The following URM1 variants were observed in gnomAD, a reference collection of about 807,000 sequenced individuals.
URM1 encodes the protein ubiquitin related modifier 1.
In URM1, 11 loss-of-function variants were observed where a neutral mutation model predicts 17.7. The observed-to-expected ratio is 0.62, with a 90% CI of 0.39 to 1.03. The LOEUF is 1.03. Among genes scored for constraint, URM1 ranks in the 50% least tolerant of loss-of-function variants. The pLI is 0.00. For synonymous variants in URM1, 48 were observed against 50.6 expected, an observed-to-expected ratio of 0.95 and a Z score of 0.22; for missense variants, 128 against 129.2, an observed-to-expected ratio of 0.99 and a Z score of 0.04.
At chr9:128,375,989 T>C (rs1163220722) in intron 1 of URM1, among the ~76,000 whole-genome samples, 1 of 152,076 alleles carries the variant, frequency 6.6e-6, no homozygotes, top group Admixed American at 6.6e-5. Flanking sequence ...GTTCTGCACC[T>C]GTGTGGTAAG....
In URM1 at chr9:128,386,985, G is replaced by A. The variant is rs139763293; in HGVS notation, c.107-831G>A. Among the ~76,000 whole-genome samples, 1,176 of 152,340 alleles carry A rather than the reference G, an allele frequency of 7.7e-3. 20 individuals are homozygous for A. Among genetic ancestry groups the A allele is most frequent in the African/African-American group, 0.026 (1,096 of 41,582 alleles). ...CGGACAGTTGAGGACCATAGGCTTCGAGGTGTTTATAGAGCCACATTTCTG... is the reference window on the plus strand; with the variant it reads ...CGGACAGTTGAGGACCATAGGCTTCAAGGTGTTTATAGAGCCACATTTCTG... On this transcript the variant is annotated intron_variant, in intron 2 of 4. Coordinates refer to ENST00000372853, the MANE Select transcript of URM1 (RefSeq NM_030914.4).
intron 1 of URM1, among the ~76,000 whole-genome samples, chr9:128,377,177 T>C (rs1290744978): frequency 6.6e-6 from 1 of 152,112 alleles, no homozygotes; most frequent in African/African-American, 2.4e-5. Context: ...TAGCCGGTAC[T>C]TGATTATTAG....
intron 1 of URM1, among the ~76,000 whole-genome samples, chr9:128,373,990 T>C (rs1833044895): frequency 6.6e-6 from 1 of 152,202 alleles, no homozygotes; most frequent in East Asian, 1.9e-4. Flanking sequence ...TTTGAGAATA[T>C]CTATACCTGT....
chr9:128,381,472 G>A (rs1333628544), intron 2 of URM1, among the ~76,000 whole-genome samples: 3 of 152,250 alleles, frequency 2.0e-5, no homozygotes, highest in South Asian at 2.1e-4. Flanking sequence ...CAAGGTAGGC[G>A]GATCACCTGA....
Position 128,389,820 on chromosome 9 carries a change from T to A in URM1, c.*86T>A. The A allele has an allele frequency of 6.4e-7, 1 of 1,568,876 alleles. No individual in the cohort carries two copies. Among genetic ancestry groups the A allele is most frequent in the Non-Finnish European group, 8.7e-7 (1 of 1,150,088 alleles). On this transcript the variant is annotated 3_prime_UTR_variant, in exon 5 of 5. Coordinates refer to ENST00000372853, the MANE Select transcript of URM1 (RefSeq NM_030914.4). ...TGGGCCCTGCTTCCAGGTCTCCCTG[T>A]CCCCCTTGCCTGCCTTCTTCCCTGC...
Position 128,387,936 on chromosome 9 carries a change from G to A in URM1, c.188+39G>A. On this transcript the variant is annotated intron_variant, in intron 3 of 4. Coordinates refer to ENST00000372853, the MANE Select transcript of URM1 (RefSeq NM_030914.4). This position sits in a 1 kb window ranked among gnomAD's most constrained non-coding sequence, Gnocchi z 4.3. The stretch of plus-strand genomic sequence containing the variant: ...CTCCCTTCCCTGAAGCAGGTGGAGG[G>A]AGGGACGGATATTTGAGCCCCCACC... 1.2e-6 allele frequency: 2 copies of A among 1,612,892 alleles called. No individual in the cohort carries two copies. Among genetic ancestry groups the A allele is most frequent in the Non-Finnish European group, 1.7e-6 (2 of 1,179,540 alleles).
rs1185161933 is a variant in URM1, at chr9:128,390,616, C to A, written c.*882C>A. 6.6e-6 allele frequency: 1 copy of A among 152,456 alleles called. No homozygotes were observed. Among genetic ancestry groups the A allele is most frequent in the African/African-American group, 2.4e-5 (1 of 41,454 alleles). The allele number at this position is 152,456 out of a possible 1,614,324, so 9.4% of individuals were successfully genotyped here. A position where few individuals can be genotyped will look rare whatever the true frequency, so the allele number is the denominator to read the frequency against. The stretch of plus-strand genomic sequence containing the variant: ...ACCTCCTGCAGGAAGCAGGACGGGG[C>A]AGGCAGCACCTGGTAGGCACAGTGC... On this transcript the variant is annotated 3_prime_UTR_variant, in exon 5 of 5. Coordinates refer to ENST00000372853, the MANE Select transcript of URM1 (RefSeq NM_030914.4).
At chr9:128,388,204 T>C in intron 3 of URM1, 1 of 1,198,262 alleles carries the variant, frequency 8.3e-7, no homozygotes, top group South Asian at 2.7e-5. Context: ...TCAGTTACTC[T>C]CTACACAGAA....
At chr9:128,378,658 CAAAAGCCAGT>C (rs1356191199) in intron 2 of URM1, among the ~76,000 whole-genome samples, 1 of 145,512 alleles carries the variant, frequency 6.9e-6, no homozygotes, top group East Asian at 2.1e-4. Flanking sequence ...CAGACATGAA[CAAAAGCCAGT>C]CCCAGGCCAG....
At chr9:128,386,037 C>A (rs1833222669) in intron 2 of URM1, among the ~76,000 whole-genome samples, 1 of 152,210 alleles carries the variant, frequency 6.6e-6, no homozygotes, top group Non-Finnish European at 1.5e-5. Context: ...GCCCTTCCCC[C>A]ACCCCCAGGC....
chr9:128,378,191 G>C, intron 2 of URM1, 85 bp downstream of exon 2: 1 of 932,524 alleles, frequency 1.1e-6, no homozygotes. Context: ...GTTCAGGCCT[G>C]TGTTCTGCAT....
chr9:128,374,786 C>T (rs1459059692), intron 1 of URM1, among the ~76,000 whole-genome samples: 1 of 152,202 alleles, frequency 6.6e-6, no homozygotes, highest in African/African-American at 2.4e-5. Flanking sequence ...CACAAGAAGT[C>T]TGAGATGGGA....
At chr9:128,388,211 A>G in intron 3 of URM1, 5 of 1,180,648 alleles carry the variant, frequency 4.2e-6, no homozygotes, top group African/African-American at 3.1e-5. Context: ...CTCTCTACAC[A>G]GAAAGTGCTG....
At chr9:128,389,169 T>A (rs1217646666) in intron 3 of URM1, 92 bp from the exon 4 acceptor site, 7 of 1,509,582 alleles carry the variant, frequency 4.6e-6, no homozygotes, top group East Asian at 2.3e-5. Flanking sequence ...CTCAGCACAC[T>A]CTCCTGCAGC....
intron 2 of URM1, among the ~76,000 whole-genome samples, chr9:128,381,776 A>G (rs1486146545): frequency 6.6e-6 from 1 of 152,270 alleles, no homozygotes; most frequent in African/African-American, 2.4e-5. Flanking sequence ...TTTAAATAGC[A>G]GGGTTGGGAT....
chr9:128,386,862 C>T (rs1054949861), intron 2 of URM1, among the ~76,000 whole-genome samples: 2 of 152,214 alleles, frequency 1.3e-5, no homozygotes, highest in Admixed American at 1.3e-4. Context: ...TGCTGGCTTC[C>T]CAGAGGCGAG....
At chr9:128,381,575 A>G (rs1445921936) in intron 2 of URM1, among the ~76,000 whole-genome samples, 1 of 152,328 alleles carries the variant, frequency 6.6e-6, no homozygotes, top group Non-Finnish European at 1.5e-5. Context: ...GGGCACCTGT[A>G]ATCCCAGGTT....
Position 128,387,762 on chromosome 9 carries a change from TGG to T in URM1, c.107-52_107-51del. 1 of 1,610,528 alleles carries T rather than the reference TGG, an allele frequency of 6.2e-7. No homozygotes were observed. The highest frequency in any genetic ancestry group is 8.5e-7 in the Non-Finnish European group (1 of 1,177,526). On this transcript the variant is annotated intron_variant, in intron 2 of 4. Transcript: ENST00000372853. The surrounding 1 kb of genome is among the most constrained non-coding windows in gnomAD (Gnocchi z 4.3). ...TGTGGGCCAGGCAAGGCTCTGGGGG[TGG>T]GCAGGTGCTATTTGGGTTTGACAAG...
intron 1 of URM1, among the ~76,000 whole-genome samples, chr9:128,376,236 G>T (rs999279843): frequency 2.0e-5 from 3 of 152,042 alleles, no homozygotes; most frequent in Non-Finnish European, 4.4e-5. Context: ...GGTGACACGT[G>T]CCTGTGGTCC....
Sources: allele counts gnomAD v4.1 joint callset (sites outside exome capture counted in the v4.1 genomes callset), GRCh38; gene constraint gnomAD v4.1.1; non-coding constraint Gnocchi (gnomAD v3.1); transcripts MANE v1.5; gene names NCBI Gene and HGNC (gene_info 2026-07-23, HGNC 2026-07-21).